The following EHF variants were observed in gnomAD, a reference collection of about 807,000 sequenced individuals.
EHF encodes the protein ETS homologous factor.
EHF carries 14 observed loss-of-function variants against 45.1 expected under a neutral mutation model. The observed-to-expected ratio is 0.31, with a 90% CI of 0.21 to 0.49. The LOEUF (loss-of-function observed/expected upper bound fraction) is 0.49. Among genes scored for constraint, EHF ranks in the 20% least tolerant of loss-of-function variants. The pLI, the probability that EHF is intolerant of heterozygous loss-of-function variation, is 0.99. For missense variants in EHF, 282 were observed against 371.4 expected (o/e 0.76, Z 1.98); for synonymous variants, 136 against 131.8 (o/e 1.03, Z -0.22).
intron 1 of EHF, among the ~76,000 whole-genome samples, chr11:34,624,895 C>T (rs1852235810): frequency 1.3e-5 from 2 of 152,130 alleles, no homozygotes; most frequent in Middle Eastern, 3.2e-3. Context: ...CTAGCACTGG[C>T]AGAGCTGTGT....
chr11:34,647,080 CA>C (rs1229960701), intron 3 of EHF, among the ~76,000 whole-genome samples: 75 of 139,654 alleles, frequency 5.4e-4, no homozygotes, highest in African/African-American at 1.9e-3. Flanking sequence ...CAAAACAAAA[CA>C]AAACCCCCCC....
At chr11:34,644,477 A>G (rs924520667) in intron 2 of EHF, among the ~76,000 whole-genome samples, 4 of 152,218 alleles carry the variant, frequency 2.6e-5, no homozygotes, top group African/African-American at 9.6e-5. Flanking sequence ...CTTCCTCTTT[A>G]GAGCCCACGT....
rs879025229 is a variant in EHF, at chr11:34,622,236, C to T, written c.-4+1008C>T. 6.3e-5 allele frequency: 16 copies of T among 252,692 alleles called. No homozygotes were observed. In the South Asian group the frequency reaches 6.3e-4, roughly 10 times the overall value. The allele number at this position is 252,692 out of a possible 1,614,324, so 15.7% of individuals were successfully genotyped here. On this transcript the variant is annotated intron_variant, in intron 1 of 8. Transcript: ENST00000257831. ...CGTCCATCTTTGCTGATTTACCATG[C>T]TCCCAGGATGGTGGGAGTGTGTGTT...
chr11:34,645,782 T>C (rs1277838229), intron 2 of EHF, among the ~76,000 whole-genome samples: 1 of 152,148 alleles, frequency 6.6e-6, no homozygotes, highest in East Asian at 1.9e-4. Flanking sequence ...GAAGAGTTAG[T>C]GAAGAGCCTC....
intron 1 of EHF, among the ~76,000 whole-genome samples, chr11:34,638,779 C>CCA (rs2134073835): frequency 1.3e-5 from 2 of 152,298 alleles, no homozygotes; most frequent in African/African-American, 4.8e-5. Context: ...CCTCTGCCTC[C>CCA]CCATCCGAGG....
intron 3 of EHF, 110 bp downstream of exon 3, chr11:34,646,794 C>T (rs1183482906): frequency 2.9e-6 from 4 of 1,379,742 alleles, no homozygotes; most frequent in Admixed American, 1.8e-5. Context: ...AGTGGTCTCA[C>T]CTCCAAATTA....
chr11:34,655,419 C>T (rs1409336452), intron 6 of EHF, among the ~76,000 whole-genome samples: 3 of 152,120 alleles, frequency 2.0e-5, no homozygotes, highest in East Asian at 3.8e-4. Context: ...TGATTCTTGG[C>T]AAGAAAGGCT....
At chr11:34,639,077 C>T (rs934359667) in intron 1 of EHF, among the ~76,000 whole-genome samples, 21 of 152,184 alleles carry the variant, frequency 1.4e-4, no homozygotes, top group South Asian at 8.3e-4. Flanking sequence ...TACTCCCCCG[C>T]AACCCCCTCC....
In EHF at chr11:34,660,057, T is replaced by C. The variant is rs924310780; in HGVS notation, c.*1126T>C. On this transcript the variant is annotated 3_prime_UTR_variant, in exon 9 of 9. Transcript: ENST00000257831. ...GGTTTATTCTCAGAAGAAAAAGATATGTAAGGTCTTTTAGCTCCTTAGAGT... is the reference window on the plus strand; with the variant it reads ...GGTTTATTCTCAGAAGAAAAAGATACGTAAGGTCTTTTAGCTCCTTAGAGT... 5.9e-5 allele frequency: 9 copies of C among 152,130 alleles called. No individual in the cohort carries two copies. Among genetic ancestry groups the C allele is most frequent in the Non-Finnish European group, 1.2e-4 (8 of 68,020 alleles). 9.4% of individuals were successfully genotyped at this position (152,130 alleles called of 1,614,324 possible).
chr11:34,644,944 A>G (rs1854366953), intron 2 of EHF, among the ~76,000 whole-genome samples: 1 of 152,220 alleles, frequency 6.6e-6, no homozygotes. Context: ...AGAAAAAGTT[A>G]GAGACAGTTT....
At chr11:34,629,443 A>G (rs545002173) in intron 1 of EHF, among the ~76,000 whole-genome samples, 2 of 152,352 alleles carry the variant, frequency 1.3e-5, no homozygotes, top group South Asian at 4.1e-4. Context: ...AAACAAACTC[A>G]GCTTTCCTGC....
intron 1 of EHF, among the ~76,000 whole-genome samples, chr11:34,622,757 A>G (rs753397099): frequency 2.6e-5 from 4 of 152,242 alleles, no homozygotes; most frequent in Non-Finnish European, 5.9e-5. Context: ...GGCTAATGGT[A>G]TTTAAAAACC....
intron 6 of EHF, among the ~76,000 whole-genome samples, chr11:34,652,790 G>C (rs1234159371): frequency 6.6e-6 from 1 of 152,102 alleles, no homozygotes; most frequent in Admixed American, 6.5e-5. Context: ...AAAGGTTTTG[G>C]TTTGAGGTTT....
chr11:34,658,493 A>T (rs1855866055), intron 7 of EHF, 40 bp from the exon 8 acceptor site: 2 of 1,568,508 alleles, frequency 1.3e-6, no homozygotes, highest in South Asian at 2.3e-5. Flanking sequence ...CTTTGCTGTG[A>T]CTTAGATCAT....
chr11:34,646,792 C>T, intron 3 of EHF, 108 bp downstream of exon 3: 1 of 1,406,700 alleles, frequency 7.1e-7, no homozygotes, highest in Admixed American at 1.8e-5. Flanking sequence ...AGAGTGGTCT[C>T]ACCTCCAAAT....
At chr11:34,646,387 T>C (rs1565037671) in intron 2 of EHF, 52 bp from the exon 3 acceptor site, 6 of 1,607,538 alleles carry the variant, frequency 3.7e-6, no homozygotes, top group Non-Finnish European at 5.1e-6. Flanking sequence ...TGTCAGATAC[T>C]ATGGCCAGGA....
At chr11:34,650,063 C>T (rs1293170704) in intron 4 of EHF, among the ~76,000 whole-genome samples, 1 of 152,242 alleles carries the variant, frequency 6.6e-6, no homozygotes, top group Non-Finnish European at 1.5e-5. Context: ...ATGTTCTGTG[C>T]TTTACAGGCC....
intron 7 of EHF, 49 bp downstream of exon 7, chr11:34,657,019 G>T (rs371217086): frequency 3.7e-5 from 59 of 1,605,858 alleles, no homozygotes; most frequent in Non-Finnish European, 4.7e-5. Flanking sequence ...CATCACATCG[G>T]GCACATCTGG....
chr11:34,624,943 T>C (rs1265811819), intron 1 of EHF, among the ~76,000 whole-genome samples: 1 of 152,080 alleles, frequency 6.6e-6, no homozygotes, highest in African/African-American at 2.4e-5. Flanking sequence ...AGGCTTTAGT[T>C]TCCTCCTCTA....
Sources: allele counts gnomAD v4.1 joint callset (sites outside exome capture counted in the v4.1 genomes callset), GRCh38; gene constraint gnomAD v4.1.1; transcripts MANE v1.5; gene names NCBI Gene and HGNC (gene_info 2026-07-23, HGNC 2026-07-21).